The following MBOAT1 variants were observed in gnomAD, a reference collection of about 807,000 sequenced individuals.
MBOAT1 encodes the protein membrane bound glycerophospholipid O-acyltransferase 1, also known as membrane-bound glycerophospholipid O-acyltransferase 1.
In MBOAT1, 67 loss-of-function variants were observed where a neutral mutation model predicts 64.4. That is an observed-to-expected ratio of 1.04 (90% CI 0.85 to 1.27). The LOEUF is 1.27. Ranked by LOEUF, MBOAT1 falls within the 50% of genes most tolerant of loss-of-function variation. The pLI is 0.00. For missense variants in MBOAT1, 563 were observed against 604.6 expected, an observed-to-expected ratio of 0.93 and a Z score of 0.72; for synonymous variants, 229 against 218.9, an observed-to-expected ratio of 1.05 and a Z score of -0.41.
At chr6:20,153,867 T>G (rs1318432345) in intron 1 of MBOAT1, among the ~76,000 whole-genome samples, 1 of 152,216 alleles carries the variant, frequency 6.6e-6, no homozygotes, top group African/African-American at 2.4e-5. Flanking sequence ...TAAGCAAACA[T>G]GTACCTTTGC....
intron 1 of MBOAT1, among the ~76,000 whole-genome samples, chr6:20,181,859 A>G (rs114573566): frequency 2.0e-5 from 3 of 152,240 alleles, no homozygotes; most frequent in Non-Finnish European, 4.4e-5. Flanking sequence ...ATGAGAGATT[A>G]GTTTACATCT....
chr6:20,177,548 T>C (rs908269004), intron 1 of MBOAT1, among the ~76,000 whole-genome samples: 6 of 151,938 alleles, frequency 3.9e-5, no homozygotes, highest in Non-Finnish European at 7.4e-5. Flanking sequence ...CCGAGGTGGG[T>C]GGATCACGAG....
At chr6:20,106,609 A>G (rs1318711034) in intron 12 of MBOAT1, among the ~76,000 whole-genome samples, 1 of 152,176 alleles carries the variant, frequency 6.6e-6, no homozygotes, top group Admixed American at 6.5e-5. Context: ...TAATTAGTAC[A>G]GACAGGGTTT....
At chr6:20,150,396 C>A (rs1267727067) in intron 3 of MBOAT1, among the ~76,000 whole-genome samples, 14 of 152,216 alleles carry the variant, frequency 9.2e-5, no homozygotes, top group African/African-American at 2.9e-4. Flanking sequence ...ATTCCTTCCA[C>A]AGCTCCCTGC....
At chr6:20,130,911 G>A (rs2113659761) in intron 5 of MBOAT1, among the ~76,000 whole-genome samples, 1 of 152,300 alleles carries the variant, frequency 6.6e-6, no homozygotes, top group South Asian at 2.1e-4. Flanking sequence ...AGAAAACACA[G>A]AGTTCTCAGT....
intron 7 of MBOAT1, among the ~76,000 whole-genome samples, chr6:20,126,062 C>A (rs948630353): frequency 6.6e-6 from 1 of 152,160 alleles, no homozygotes; most frequent in Non-Finnish European, 1.5e-5. Flanking sequence ...TCAACATAAG[C>A]AAGCTTTAGG....
At chr6:20,198,596 C>T (rs1763029576) in intron 1 of MBOAT1, among the ~76,000 whole-genome samples, 1 of 152,160 alleles carries the variant, frequency 6.6e-6, no homozygotes, top group Non-Finnish European at 1.5e-5. Flanking sequence ...TAGCAATTTT[C>T]AGCCTAGTTG....
intron 1 of MBOAT1, among the ~76,000 whole-genome samples, chr6:20,195,630 TGTG>T (rs1762934225): frequency 6.6e-6 from 1 of 151,534 alleles, no homozygotes; most frequent in Non-Finnish European, 1.5e-5. Flanking sequence ...TGTGTGTGTG[TGTG>T]TGCATGTGCA....
intron 1 of MBOAT1, among the ~76,000 whole-genome samples, chr6:20,186,734 A>G (rs1197216423): frequency 6.6e-6 from 1 of 152,268 alleles, no homozygotes; most frequent in African/African-American, 2.4e-5. Flanking sequence ...ACTTAAGACA[A>G]CTACGTGAGA....
chr6:20,207,163 T>C (rs1377653289), intron 1 of MBOAT1, among the ~76,000 whole-genome samples: 2 of 152,260 alleles, frequency 1.3e-5, no homozygotes, highest in African/African-American at 4.8e-5. Context: ...GCTCATTCAA[T>C]TGACCTTGTC....
At chr6:20,170,415 C>T (rs548223314) in intron 1 of MBOAT1, among the ~76,000 whole-genome samples, 1 of 152,322 alleles carries the variant, frequency 6.6e-6, no homozygotes, top group African/African-American at 2.4e-5. Flanking sequence ...GGTCTCTTAG[C>T]TAACGGTGGG....
At chr6:20,113,109 G>T in intron 10 of MBOAT1, 101 bp from the exon 11 acceptor site, 1 of 1,402,610 alleles carries the variant, frequency 7.1e-7, no homozygotes, top group Non-Finnish European at 9.5e-7. Flanking sequence ...GCATTTGGTT[G>T]TTACTGATGA....
chr6:20,171,072 G>A (rs1762175826), intron 1 of MBOAT1, among the ~76,000 whole-genome samples: 1 of 152,030 alleles, frequency 6.6e-6, no homozygotes, highest in Non-Finnish European at 1.5e-5. Context: ...ATATAGTTTT[G>A]GTAACTTCCT....
At chr6:20,174,238 G>A (rs1271346320) in intron 1 of MBOAT1, among the ~76,000 whole-genome samples, 3 of 152,168 alleles carry the variant, frequency 2.0e-5, no homozygotes, top group East Asian at 1.9e-4. Flanking sequence ...ACAATCCTGC[G>A]TCGCTTAACA....
chr6:20,171,091 G>A (rs1762176355), intron 1 of MBOAT1, among the ~76,000 whole-genome samples: 1 of 151,918 alleles, frequency 6.6e-6, no homozygotes, highest in African/African-American at 2.4e-5. Flanking sequence ...CTGCTGGCAA[G>A]GATTTAAAAA....
chr6:20,119,032 C>T (rs967293910), intron 8 of MBOAT1, among the ~76,000 whole-genome samples: 2 of 152,098 alleles, frequency 1.3e-5, no homozygotes, highest in African/African-American at 2.4e-5. Flanking sequence ...GGAGGAGAAC[C>T]GGCTCCGCAA....
intron 1 of MBOAT1, among the ~76,000 whole-genome samples, chr6:20,165,615 C>CGT (rs1014952077): frequency 2.6e-5 from 4 of 151,954 alleles, no homozygotes; most frequent in African/African-American, 9.7e-5. Context: ...TGGTGGCACA[C>CGT]ACCTGTAATC....
At chr6:20,114,145 TC>T (rs757273855) in intron 10 of MBOAT1, among the ~76,000 whole-genome samples, 16 of 152,206 alleles carry the variant, frequency 1.1e-4, no homozygotes, top group Non-Finnish European at 2.2e-4. Context: ...AGATCAATTA[TC>T]AGAAAATACT....
intron 1 of MBOAT1, among the ~76,000 whole-genome samples, chr6:20,186,226 T>C (rs998452136): frequency 3.9e-5 from 6 of 151,944 alleles, no homozygotes; most frequent in African/African-American, 9.7e-5. Flanking sequence ...ACAATGGGAG[T>C]AAGAGGGCTG....
Sources: allele counts gnomAD v4.1 joint callset (sites outside exome capture counted in the v4.1 genomes callset), GRCh38; gene constraint gnomAD v4.1.1; transcripts MANE v1.5; gene names NCBI Gene and HGNC (gene_info 2026-07-23, HGNC 2026-07-21).